CATSPERG: variants seen among roughly 807,000 people sequenced by gnomAD.
The protein encoded by CATSPERG is cation channel sperm-associated auxiliary subunit gamma.
CATSPERG carries 115 observed loss-of-function variants against 145.0 expected under a neutral mutation model. The observed-to-expected ratio is 0.79, with a 90% CI of 0.68 to 0.93. The LOEUF is 0.93. CATSPERG is among the 40% of genes least tolerant of loss of function. The pLI, the probability that CATSPERG is intolerant of heterozygous loss-of-function variation, is 0.00. For missense variants in CATSPERG, 1,296 were observed against 1,490.1 expected (o/e 0.87, Z 2.14); for synonymous variants, 588 against 589.0 (o/e 1.00, Z 0.02).
At chr19:38,370,374 C>A in intron 28 of CATSPERG, 116 bp downstream of exon 28, 1 of 1,385,330 alleles carries the variant, frequency 7.2e-7, no homozygotes, top group Non-Finnish European at 1.0e-6. Context: ...GCCATGCTGA[C>A]TGAACGCCTG....
chr19:38,370,776 G>A lies in CATSPERG; in HGVS notation c.3464G>A (p.Arg1155Lys). ...GCTGAACCCAAGGAAGCCGTGGAGA[G>A]ACAGTTGATGACCTGAGTGTCCCAC... ...DRAEPKEAVE[R>K]QLMT The change falls in exon 29 of 29, where the codon AGA becomes AAA. Residue 1155 changes from arginine (R) to lysine (K), a missense_variant. Physicochemically the swap from Arg to Lys is conservative, Grantham distance 26. Coordinates refer to ENST00000409235, the MANE Select transcript of CATSPERG (RefSeq NM_021185.5). 3 of 1,613,860 alleles carry A rather than the reference G, an allele frequency of 1.9e-6. No homozygotes were observed. The highest frequency in any genetic ancestry group is 2.5e-6 in the Non-Finnish European group (3 of 1,179,902).
chr19:38,361,740 A>T lies in CATSPERG; in HGVS notation c.1973A>T (p.Glu658Val), dbSNP rs749812345. The change falls in exon 17 of 29, where the codon GAG (glutamate) becomes GTG (valine). Residue 658 changes from glutamate (E) to valine (V), a missense_variant. Transcript: ENST00000409235. ...LPSPQRYTRQ[E>V]RYRARPPRVL... ...AGTCCGCAGAGATACACGCGCCAGG[A>T]GCGCTACCGGGCGCGGCCGCCGCGC... 8 of 1,612,670 alleles carry T rather than the reference A, an allele frequency of 5.0e-6. No individual in the cohort carries two copies. Among genetic ancestry groups the T allele is most frequent in the Non-Finnish European group, 5.9e-6 (7 of 1,179,650 alleles).
chr19:38,343,858 C>T, intron 4 of CATSPERG, 134 bp downstream of exon 4: 1 of 1,395,354 alleles, frequency 7.2e-7, no homozygotes, highest in Non-Finnish European at 9.6e-7. Flanking sequence ...CTAGAGGGGC[C>T]ACACAGAGGC....
chr19:38,366,930 G>A, intron 22 of CATSPERG: 1 of 541,512 alleles, frequency 1.8e-6, no homozygotes, highest in Non-Finnish European at 3.3e-6. Context: ...CTGGACTCAA[G>A]TGATCAGCCC....
rs375224940 is a variant in CATSPERG, at chr19:38,360,885, G to A, written c.1880+42G>A. 49 of 1,475,318 alleles carry A rather than the reference G, an allele frequency of 3.3e-5. No homozygotes were observed. In the Middle Eastern group the frequency reaches 5.1e-4, roughly 15 times the overall value. 91.4% of individuals were successfully genotyped at this position (1,475,318 alleles called of 1,614,324 possible). On this transcript the variant is annotated intron_variant, in intron 16 of 28. Coordinates refer to ENST00000409235, the MANE Select transcript of CATSPERG (RefSeq NM_021185.5). ...CCATGACAGGGGTCTGAGGGCTCCC[G>A]GCACTGCCCTCCTGAAGCTACCATT...
At chr19:38,369,287 G>A (rs1970506778) in intron 26 of CATSPERG, among the ~76,000 whole-genome samples, 1 of 151,922 alleles carries the variant, frequency 6.6e-6, no homozygotes, top group African/African-American at 2.4e-5. Flanking sequence ...TTGAGACAGA[G>A]TCTTGCTCCG....
chr19:38,337,676 T>A, intron 3 of CATSPERG, 30 bp downstream of exon 3: 1 of 1,520,958 alleles, frequency 6.6e-7, no homozygotes, highest in Non-Finnish European at 8.9e-7. Context: ...ATAGGCTCAT[T>A]CTATGAGCCT....
rs1970373455 is a variant in CATSPERG at position 38,362,778 on chromosome 19, C to A, written c.2421C>A (p.Ile807=). The change falls in exon 20 of 29, where the codon ATC becomes ATA. Residue 807 remains isoleucine (I), a synonymous_variant. Coordinates refer to ENST00000409235, the MANE Select transcript of CATSPERG (RefSeq NM_021185.5). ...VGVVLADPGC[I]EASVKQEVLI... ...TGGTGCTGGCCGACCCCGGCTGCAT[C>A]GAGGCCTCGGTGAAGCAGGAGGTCC... 2 of 1,613,574 alleles carry A rather than the reference C, an allele frequency of 1.2e-6. No homozygotes were observed. The highest frequency in any genetic ancestry group is 1.3e-5 in the African/African-American group (1 of 74,736).
At chr19:38,361,586 G>A in intron 16 of CATSPERG, 62 bp from the exon 17 acceptor site, 1 of 1,365,994 alleles carries the variant, frequency 7.3e-7, no homozygotes, top group Admixed American at 2.1e-5. Flanking sequence ...AGAGGCCTGC[G>A]GAAGCTTCCA....
intron 8 of CATSPERG, 42 bp from the exon 9 acceptor site, chr19:38,354,668 A>C: frequency 1.2e-6 from 2 of 1,607,184 alleles, no homozygotes; most frequent in Non-Finnish European, 1.7e-6. Flanking sequence ...GAGGCCCCAG[A>C]TCCAACCACC....
At position 38,360,853 on chromosome 19, in the gene CATSPERG, C is replaced by T. The variant is rs1350923992; in HGVS notation, c.1880+10C>T. 1 of 1,599,292 alleles carries T rather than the reference C, an allele frequency of 6.3e-7. No individual in the cohort carries two copies. The highest frequency in any genetic ancestry group is 1.1e-5 in the South Asian group (1 of 89,530). ...ACTTGGAGCGGAAAGGGTGAGAAGA[C>T]ACCGGACCATGACAGGGGTCTGAGG... On this transcript the variant is annotated intron_variant, in intron 16 of 28. Transcript: ENST00000409235.
intron 7 of CATSPERG, among the ~76,000 whole-genome samples, chr19:38,351,678 G>A (rs1387868416): frequency 3.9e-5 from 6 of 152,172 alleles, no homozygotes; most frequent in African/African-American, 7.2e-5. Context: ...AGGCTGAGGC[G>A]GGAGGATTGC....
chr19:38,369,176 G>C (rs1600489280), intron 26 of CATSPERG, among the ~76,000 whole-genome samples: 1 of 152,120 alleles, frequency 6.6e-6, no homozygotes, highest in Non-Finnish European at 1.5e-5. Context: ...TCAATGAAAG[G>C]AAAAAAATGA....
chr19:38,353,696 CA>C (rs34301376), intron 8 of CATSPERG, among the ~76,000 whole-genome samples: 80 of 60,340 alleles, frequency 1.3e-3, no homozygotes, highest in East Asian at 2.9e-3. Context: ...GATGCCATCT[CA>C]AAAAAAAAAA....
At chr19:38,346,027 T>C (rs185610304) in intron 6 of CATSPERG, among the ~76,000 whole-genome samples, 18 of 152,030 alleles carry the variant, frequency 1.2e-4, no homozygotes, top group African/African-American at 4.3e-4. Flanking sequence ...TGTAGTAGGG[T>C]AAAGGGCGGT....
In CATSPERG at chr19:38,356,543, G is replaced by C. The variant is rs1309169553; in HGVS notation, c.1195G>C (p.Val399Leu). 6.2e-7 allele frequency: 1 copy of C among 1,613,780 alleles called. No individual in the cohort carries two copies. Among genetic ancestry groups the C allele is most frequent in the Non-Finnish European group, 8.5e-7 (1 of 1,179,878 alleles). ...GTGGTCTGTGTGCGAGCAGATAGGA[G>C]GTACTCATTACCCCGATGGGTCTGC... Reference protein sequence around the residue: ...RQWSVCEQIGVTTCSIIWSEY... With the variant: ...RQWSVCEQIGLTTCSIIWSEY... Residue 399 changes from valine (V) to leucine (L), a missense_variant and splice_region_variant, in exon 10 of 29, where the codon GTT (valine) becomes CTT (leucine). Physicochemically the swap from Val to Leu is conservative, Grantham distance 32. Transcript: ENST00000409235.
intron 3 of CATSPERG, chr19:38,337,880 G>A (rs2145056977): frequency 2.7e-6 from 1 of 377,330 alleles, no homozygotes; most frequent in South Asian, 3.2e-5. Context: ...CACCACGCCC[G>A]GCTAATTTTT....
Position 38,370,844 on chromosome 19 carries a change from C to G in CATSPERG, c.*52C>G, listed in dbSNP as rs758514157. ...TACTGTCACGCCTCTCTTATGAGGCCCATCTTGAAGATGCAACCTGTCACC... is the reference window on the plus strand; with the variant it reads ...TACTGTCACGCCTCTCTTATGAGGCGCATCTTGAAGATGCAACCTGTCACC... On this transcript the variant is annotated 3_prime_UTR_variant, in exon 29 of 29. Transcript: ENST00000409235. 2 of 1,573,964 alleles carry G rather than the reference C, an allele frequency of 1.3e-6. No homozygotes were observed. Among genetic ancestry groups the G allele is most frequent in the East Asian group, 4.5e-5 (2 of 44,396 alleles).
chr19:38,363,133 G>C (rs1167918128), intron 20 of CATSPERG, among the ~76,000 whole-genome samples: 1 of 152,082 alleles, frequency 6.6e-6, no homozygotes, highest in Non-Finnish European at 1.5e-5. Context: ...CTGCCTCCCA[G>C]ATTCAACCGA....
Sources: gnomAD v4.1 joint callset for allele counts (sites outside exome capture counted in the v4.1 genomes callset) on GRCh38, gnomAD v4.1.1 for gene constraint, MANE v1.5 for transcripts, NCBI Gene and HGNC (gene_info 2026-07-23, HGNC 2026-07-21) for gene names.